Variants in DGKG observed in about 807,000 individuals in gnomAD.
DGKG encodes the protein diacylglycerol kinase gamma.
DGKG carries 78 observed loss-of-function variants against 105.3 expected under a neutral mutation model. That is an observed-to-expected ratio of 0.74 (90% CI 0.62 to 0.89). The LOEUF (loss-of-function observed/expected upper bound fraction) is 0.89. Ranked by LOEUF, DGKG falls within the 40% of genes least tolerant of loss-of-function variation. The probability of loss-of-function intolerance (pLI) is 0.00; values close to 1 mark genes in which losing one functional copy is unlikely to be tolerated. For synonymous variants in DGKG, 346 were observed against 367.1 expected (o/e 0.94, Z 0.66); for missense variants, 958 against 1,020.1 (o/e 0.94, Z 0.83).
At chr3:186,169,026 A>C (rs1716692373) in intron 22 of DGKG, among the ~76,000 whole-genome samples, 2 of 152,190 alleles carry the variant, frequency 1.3e-5, no homozygotes. Context: ...CATGAAAATC[A>C]CTGATAGAAA....
Position 186,260,519 on chromosome 3 carries a change from G to GAA in DGKG, c.1350-8_1350-7dup, listed in dbSNP as rs111691516. ...AGTGGAATTTCCGAAGAATTCTATGGAAAAAAAAAGAAAAGGAGGGAGAGA... is the reference window on the plus strand; with the variant it reads ...AGTGGAATTTCCGAAGAATTCTATGGAAAAAAAAAAAGAAAAGGAGGGAGAGA... On this transcript the variant is annotated splice_region_variant and splice_polypyrimidine_tract_variant and intron_variant, in intron 15 of 24. Coordinates refer to ENST00000265022, the MANE Select transcript of DGKG (RefSeq NM_001346.3). 2.5e-6 allele frequency: 4 copies of GAA among 1,574,168 alleles called. No homozygotes were observed. Among genetic ancestry groups the GAA allele is most frequent in the Middle Eastern group, 1.7e-4 (1 of 5,938 alleles).
At chr3:186,245,708 T>C (rs192986541) in intron 19 of DGKG, among the ~76,000 whole-genome samples, 1 of 152,298 alleles carries the variant, frequency 6.6e-6, no homozygotes, top group Non-Finnish European at 1.5e-5. Context: ...ACATAGAGCC[T>C]CTTTCCTGAA....
At chr3:186,278,672 A>G (rs901653238) in intron 9 of DGKG, among the ~76,000 whole-genome samples, 1 of 152,216 alleles carries the variant, frequency 6.6e-6, no homozygotes, top group Non-Finnish European at 1.5e-5. Flanking sequence ...AAATGATTGC[A>G]AGATTCATAG....
intron 1 of DGKG, among the ~76,000 whole-genome samples, chr3:186,342,837 G>A (rs1024559984): frequency 6.6e-6 from 1 of 151,948 alleles, no homozygotes; most frequent in Non-Finnish European, 1.5e-5. Flanking sequence ...ATGGGGAAGC[G>A]TTCAAAAATC....
rs57878064 is a variant in DGKG at position 186,194,803 on chromosome 3, T to TAAAAAAAAAAAAAAAA, written c.1918-6440_1918-6425dup. 1.7e-3 allele frequency among the ~76,000 whole-genome samples: 183 copies of TAAAAAAAAAAAAAAAA among 105,376 alleles called. 8 individuals carry two copies. Among genetic ancestry groups the TAAAAAAAAAAAAAAAA allele is most frequent in the African/African-American group, 6.4e-3 (179 of 27,902 alleles). The allele number at this position is 105,376 out of a possible 152,430, so 69.1% of individuals were successfully genotyped here. ...CCACGACTCTTTCTTGGTCTTTCTT[T>TAAAAAAAAAAAAAAAA]AAAAAAAAAAAAAAAAAAAGCCGGG... On this transcript the variant is annotated intron_variant, in intron 21 of 24. Coordinates refer to ENST00000265022, the MANE Select transcript of DGKG (RefSeq NM_001346.3).
At chr3:186,225,174 T>A (rs149433871) in intron 20 of DGKG, among the ~76,000 whole-genome samples, 1 of 151,988 alleles carries the variant, frequency 6.6e-6, no homozygotes, top group East Asian at 1.9e-4. Flanking sequence ...TATTAATAGT[T>A]CCCTGTAGCT....
At chr3:186,264,004 G>A (rs1289480830) in intron 14 of DGKG, among the ~76,000 whole-genome samples, 1 of 152,230 alleles carries the variant, frequency 6.6e-6, no homozygotes, top group Non-Finnish European at 1.5e-5. Flanking sequence ...GAAGCATCTT[G>A]GAGGCTGAGG....
rs1195340980 is a variant in DGKG at position 186,210,708 on chromosome 3, C to T, written c.1917+1087G>A. 1 of 434,204 alleles carries T rather than the reference C, an allele frequency of 2.3e-6. No homozygotes were observed. The highest frequency in any genetic ancestry group is 4.6e-6 in the Non-Finnish European group (1 of 218,132). 26.9% of individuals were successfully genotyped at this position (434,204 alleles called of 1,614,324 possible). On this transcript the variant is annotated intron_variant, in intron 21 of 24. Coordinates refer to ENST00000265022, the MANE Select transcript of DGKG (RefSeq NM_001346.3). The surrounding 1 kb of genome is among the most constrained non-coding windows in gnomAD (Gnocchi z 5.2). ...GCCACAGGTGCCTCCTCCAGGGAGG[C>T]CCAGGCCCCACTGGACTGCAGTGCG...
chr3:186,151,970 G>A (rs545715225), intron 24 of DGKG, among the ~76,000 whole-genome samples: 9 of 152,182 alleles, frequency 5.9e-5, no homozygotes, highest in African/African-American at 1.7e-4. Context: ...TCCCAGCTAC[G>A]TGGGAGGCTG....
intron 1 of DGKG, among the ~76,000 whole-genome samples, chr3:186,332,503 A>C (rs959317824): frequency 2.8e-4 from 43 of 152,114 alleles, no homozygotes; most frequent in African/African-American, 9.7e-4. Context: ...CTACCTGGGG[A>C]AGCGTCTGCC....
In DGKG at chr3:186,339,607, T is replaced by A. The variant is rs80116532; in HGVS notation, c.-248-18900A>T. 6.4e-3 allele frequency among the ~76,000 whole-genome samples: 970 copies of A among 152,336 alleles called. 22 individuals are homozygous for A. Among genetic ancestry groups the A allele is most frequent in the Admixed American group, 0.038 (585 of 15,306 alleles). ...ACTAATTAGGAATGTGCTATTTCAT[T>A]TCCCCCAAATCTTCCAAAATAATGA... On this transcript the variant is annotated intron_variant, in intron 1 of 24. Transcript: ENST00000265022.
Position 186,257,901 on chromosome 3 carries a change from A to T in DGKG, c.1463T>A (p.Leu488Ter). 1 of 1,614,154 alleles carries T rather than the reference A, an allele frequency of 6.2e-7. No homozygotes were observed. Among genetic ancestry groups the T allele is most frequent in the Non-Finnish European group, 8.5e-7 (1 of 1,180,000 alleles). The change falls in exon 17 of 25, where the codon TTG becomes TAG. Residue 488 changes from leucine (L) to a stop codon, truncating the protein, a stop_gained. Transcript: ENST00000265022. LOFTEE classifies it high-confidence loss of function. ...AACTGTCCCATCTCCACCACAGGCC[A>T]AAACACGGAAGTCTGGAGTATCACG... ...FFRDTPDFRV[L>*]ACGGDGTVGW...
At chr3:186,282,669 C>T (rs1362196571) in intron 7 of DGKG, among the ~76,000 whole-genome samples, 1 of 151,640 alleles carries the variant, frequency 6.6e-6, no homozygotes, top group Non-Finnish European at 1.5e-5. Flanking sequence ...CCCGCCACCA[C>T]ACCCGGATAA....
chr3:186,151,410 A>C (rs1237145932), intron 24 of DGKG, among the ~76,000 whole-genome samples: 1 of 152,228 alleles, frequency 6.6e-6, no homozygotes, highest in African/African-American at 2.4e-5. Flanking sequence ...GGCTAAACCA[A>C]GTGGTGTCCA....
intron 1 of DGKG, among the ~76,000 whole-genome samples, chr3:186,358,884 G>A (rs1030776613): frequency 9.9e-5 from 15 of 151,974 alleles, no homozygotes; most frequent in Admixed American, 7.2e-4. Context: ...TGGAGAAGTG[G>A]GACATTATAC....
chr3:186,150,345 C>A (rs548953294), intron 24 of DGKG, among the ~76,000 whole-genome samples, 157 bp from the exon 25 acceptor site: 2 of 152,242 alleles, frequency 1.3e-5, no homozygotes, highest in Admixed American at 6.5e-5. Flanking sequence ...GGCAACTTGA[C>A]CCTGACTGGG....
chr3:186,280,195 G>A (rs1034693764), intron 8 of DGKG, among the ~76,000 whole-genome samples: 2 of 152,146 alleles, frequency 1.3e-5, no homozygotes, highest in African/African-American at 2.4e-5. Flanking sequence ...TGTGGGCTCT[G>A]GTTTGCTTAT....
chr3:186,238,626 C>T (rs539996709), intron 20 of DGKG, among the ~76,000 whole-genome samples: 1 of 152,110 alleles, frequency 6.6e-6, no homozygotes, highest in Non-Finnish European at 1.5e-5. Context: ...AACAGTGAGA[C>T]GATAATCTCC....
At chr3:186,250,349 C>T (rs1721149332) in intron 19 of DGKG, among the ~76,000 whole-genome samples, 1 of 151,968 alleles carries the variant, frequency 6.6e-6, no homozygotes, top group Admixed American at 6.6e-5. Context: ...GGAGGGAGAG[C>T]ATCAGGAAGA....
Sources: gnomAD v4.1 joint callset for allele counts (sites outside exome capture counted in the v4.1 genomes callset) on GRCh38, gnomAD v4.1.1 for gene constraint, Gnocchi (gnomAD v3.1) non-coding constraint, MANE v1.5 for transcripts, NCBI Gene and HGNC (gene_info 2026-07-23, HGNC 2026-07-21) for gene names.